The following SCARA5 variants were observed in gnomAD, a reference collection of about 807,000 sequenced individuals.
The protein encoded by SCARA5 is scavenger receptor class A, member 5 (putative).
Under a neutral mutation model 46.3 loss-of-function variants are expected in SCARA5, and 45 were observed. The observed-to-expected ratio is 0.97, with a 90% CI of 0.76 to 1.24. The LOEUF (loss-of-function observed/expected upper bound fraction) is 1.24, where lower values mean the gene tolerates loss of function less well. Among genes scored for constraint, SCARA5 ranks in the 50% most tolerant of loss-of-function variants. The pLI is 0.00. For synonymous variants in SCARA5, 333 were observed against 306.5 expected (o/e 1.09, Z -0.90); for missense variants, 680 against 689.0 (o/e 0.99, Z 0.15).
rs1387701829 is a variant in SCARA5, at chr8:27,945,158, CTG to C, written c.241+21254_241+21255del. Among the ~76,000 whole-genome samples, 5 of 150,204 alleles carry C rather than the reference CTG, an allele frequency of 3.3e-5. No homozygotes were observed. The South Asian group carries it at 1.1e-3, about 32-fold the overall frequency. On this transcript the variant is annotated intron_variant, in intron 3 of 8. Transcript: ENST00000354914. ...TCCAGCCTGGGTGATGGGAATGAGA[CTG>C]TAAAAAAATAATAATAAATTGAAAA...
intron 7 of SCARA5, among the ~76,000 whole-genome samples, chr8:27,896,112 A>G (rs1189729537): frequency 6.6e-6 from 1 of 152,200 alleles, no homozygotes; most frequent in East Asian, 1.9e-4. Flanking sequence ...GAGGGCAGTG[A>G]GAGGTCAGAG....
At chr8:27,957,443 T>C (rs1423074494) in intron 3 of SCARA5, among the ~76,000 whole-genome samples, 1 of 152,242 alleles carries the variant, frequency 6.6e-6, no homozygotes, top group Non-Finnish European at 1.5e-5. Context: ...GGCAGAGTAA[T>C]CCCTTCTGCT....
At chr8:27,895,228 AC>A (rs1734646029) in intron 7 of SCARA5, among the ~76,000 whole-genome samples, 1 of 152,174 alleles carries the variant, frequency 6.6e-6, no homozygotes, top group African/African-American at 2.4e-5. Context: ...GATAATTCGG[AC>A]CATCTGCCCA....
intron 3 of SCARA5, among the ~76,000 whole-genome samples, chr8:27,943,658 G>A (rs923965675): frequency 2.8e-4 from 42 of 152,148 alleles, no homozygotes; most frequent in Admixed American, 2.5e-3. Context: ...AGGAAAAGAC[G>A]CACGTAATCA....
At chr8:27,880,988 C>T (rs1471539229) in intron 7 of SCARA5, among the ~76,000 whole-genome samples, 1 of 151,780 alleles carries the variant, frequency 6.6e-6, no homozygotes, top group Non-Finnish European at 1.5e-5. Context: ...ATCAAAACCA[C>T]GATGAGATAC....
At chr8:27,921,480 G>A in intron 4 of SCARA5, 91 bp downstream of exon 4, 2 of 1,111,882 alleles carry the variant, frequency 1.8e-6, no homozygotes, top group Non-Finnish European at 2.5e-6. Flanking sequence ...GGGTGGGGCT[G>A]GGGTACTCCT....
At chr8:27,918,484 G>C (rs529348260) in intron 4 of SCARA5, among the ~76,000 whole-genome samples, 2 of 136,564 alleles carry the variant, frequency 1.5e-5, no homozygotes, top group South Asian at 2.7e-4. Flanking sequence ...GTAGGATTTG[G>C]GTGGGCGAGG....
intron 7 of SCARA5, among the ~76,000 whole-genome samples, chr8:27,886,749 G>A (rs541594807): frequency 8.5e-5 from 13 of 152,194 alleles, no homozygotes; most frequent in South Asian, 4.2e-4. Context: ...GCTTTTTCCC[G>A]GCAGTTTCTG....
At chr8:27,962,650 G>A (rs1024731174) in intron 3 of SCARA5, among the ~76,000 whole-genome samples, 1 of 152,176 alleles carries the variant, frequency 6.6e-6, no homozygotes, top group Non-Finnish European at 1.5e-5. Flanking sequence ...CCAAAAAAGG[G>A]ATACTCAGTT....
At chr8:27,925,673 G>C (rs1707188994) in intron 3 of SCARA5, among the ~76,000 whole-genome samples, 1 of 152,058 alleles carries the variant, frequency 6.6e-6, no homozygotes, top group African/African-American at 2.4e-5. Context: ...CTACAGAATG[G>C]GAGAACATTT....
chr8:27,872,346 C>T (rs898463), intron 8 of SCARA5, among the ~76,000 whole-genome samples: 140,075 of 152,306 alleles, frequency 0.92, 64,491 homozygotes, highest in East Asian at 1. Context: ...TTAGTGGCAG[C>T]GTCAGGACTG....
At chr8:27,943,282 CT>C (rs1261304588) in intron 3 of SCARA5, among the ~76,000 whole-genome samples, 1 of 152,172 alleles carries the variant, frequency 6.6e-6, no homozygotes, top group East Asian at 1.9e-4. Context: ...ATACAAAAAG[CT>C]TGTGTTTTTA....
intron 8 of SCARA5, among the ~76,000 whole-genome samples, chr8:27,873,544 C>T (rs989926534): frequency 1.6e-4 from 24 of 151,992 alleles, no homozygotes; most frequent in Middle Eastern, 6.8e-3. Context: ...CACCTTATGT[C>T]CCCACCCCTC....
At chr8:27,896,931 A>G (rs778550711) in intron 7 of SCARA5, among the ~76,000 whole-genome samples, 18 of 152,070 alleles carry the variant, frequency 1.2e-4, no homozygotes, top group Non-Finnish European at 1.5e-4. Flanking sequence ...GCCTCTACTA[A>G]AAGTACAAAA....
intron 4 of SCARA5, among the ~76,000 whole-genome samples, chr8:27,911,875 C>A (rs973867380): frequency 6.6e-6 from 1 of 152,130 alleles, no homozygotes; most frequent in African/African-American, 2.4e-5. Flanking sequence ...GGCCTCAGTG[C>A]AATGGCTGGT....
At chr8:27,942,121 G>A (rs977531278) in intron 3 of SCARA5, among the ~76,000 whole-genome samples, 1 of 151,938 alleles carries the variant, frequency 6.6e-6, no homozygotes, top group African/African-American at 2.4e-5. Context: ...GAGCCACTGC[G>A]CCCAGCCCCC....
chr8:27,899,866 G>A (rs1164058518), intron 7 of SCARA5, among the ~76,000 whole-genome samples: 5 of 152,200 alleles, frequency 3.3e-5, no homozygotes, highest in Non-Finnish European at 7.3e-5. Context: ...CAGCTGGCAC[G>A]GTGGCTCATG....
At chr8:27,944,828 C>T (rs976490751) in intron 3 of SCARA5, among the ~76,000 whole-genome samples, 17 of 152,050 alleles carry the variant, frequency 1.1e-4, no homozygotes, top group African/African-American at 3.9e-4. Context: ...CGAGATCACG[C>T]CACTGCACTC....
At chr8:27,947,867 G>A (rs2685422) in intron 3 of SCARA5, among the ~76,000 whole-genome samples, 42,163 of 151,884 alleles carry the variant, frequency 0.28, 5,984 homozygotes, top group East Asian at 0.36. Flanking sequence ...AGAGTGAAAA[G>A]ATAAAATAAA....
Sources: gnomAD v4.1 joint callset for allele counts (sites outside exome capture counted in the v4.1 genomes callset) on GRCh38, gnomAD v4.1.1 for gene constraint, MANE v1.5 for transcripts, NCBI Gene and HGNC (gene_info 2026-07-23, HGNC 2026-07-21) for gene names.